KCNB2: variants seen among roughly 807,000 people sequenced by gnomAD.
The protein encoded by KCNB2 is delayed rectifier potassium channel protein.
Under a neutral mutation model 61.5 loss-of-function variants are expected in KCNB2, and 15 were observed. The observed-to-expected ratio is 0.24, with a 90% CI of 0.16 to 0.38. The LOEUF (loss-of-function observed/expected upper bound fraction) is 0.38. KCNB2 is among the 10% of genes least tolerant of loss of function. The pLI, the probability that KCNB2 is intolerant of heterozygous loss-of-function variation, is 1.00. For missense variants in KCNB2, 828 were observed against 1,125.2 expected, an observed-to-expected ratio of 0.74 and a Z score of 3.78; for synonymous variants, 457 against 446.0, an observed-to-expected ratio of 1.02 and a Z score of -0.31.
At chr8:72,761,171 T>C (rs1808372773) in intron 2 of KCNB2, among the ~76,000 whole-genome samples, 1 of 152,118 alleles carries the variant, frequency 6.6e-6, no homozygotes, top group East Asian at 1.9e-4. Context: ...ACTTACATAG[T>C]CCAGAACAGA....
intron 2 of KCNB2, among the ~76,000 whole-genome samples, chr8:72,714,618 T>A (rs1807392431): frequency 6.6e-6 from 1 of 152,074 alleles, no homozygotes; most frequent in Admixed American, 6.5e-5. Context: ...GCTGAGAGAT[T>A]TTGTCACCAC....
intron 2 of KCNB2, among the ~76,000 whole-genome samples, chr8:72,575,251 C>A (rs1806777088): frequency 6.8e-6 from 1 of 147,552 alleles, no homozygotes; most frequent in Non-Finnish European, 1.5e-5. Context: ...TCCCCCACCC[C>A]CGCCCCAGCA....
chr8:72,680,957 CT>C lies in KCNB2; in HGVS notation c.579+112645del, dbSNP rs374604221. Among the ~76,000 whole-genome samples, 867 of 152,292 alleles carry C rather than the reference CT, an allele frequency of 5.7e-3. 11 individuals carry two copies. In the Middle Eastern group the frequency reaches 0.082, roughly 14 times the overall value. On this transcript the variant is annotated intron_variant, in intron 2 of 2. Coordinates refer to ENST00000523207, the MANE Select transcript of KCNB2 (RefSeq NM_004770.3). ...AGATATATTAAGTGTCCGATATGTG[CT>C]CACAATTGTATGCCCTCTACCCTCC...
intron 2 of KCNB2, among the ~76,000 whole-genome samples, chr8:72,929,591 A>G (rs1806731837): frequency 6.6e-6 from 1 of 152,152 alleles, no homozygotes; most frequent in African/African-American, 2.4e-5. Flanking sequence ...TGACATCATC[A>G]ACTGTGACTT....
chr8:72,933,821 G>A (rs559223659), intron 2 of KCNB2, among the ~76,000 whole-genome samples: 2 of 152,314 alleles, frequency 1.3e-5, no homozygotes, highest in Admixed American at 6.5e-5. Context: ...CAGCCTCTTA[G>A]AGGAGTTAAA....
chr8:72,710,060 G>A (rs145359503), intron 2 of KCNB2, among the ~76,000 whole-genome samples: 2 of 152,198 alleles, frequency 1.3e-5, no homozygotes, highest in East Asian at 3.9e-4. Context: ...CCAGTCCGGG[G>A]AGCCTATTGA....
chr8:72,654,368 G>A (rs1806258193), intron 2 of KCNB2, among the ~76,000 whole-genome samples: 1 of 152,180 alleles, frequency 6.6e-6, no homozygotes, highest in Non-Finnish European at 1.5e-5. Context: ...AAGATGTAAA[G>A]ATGAAAGAGT....
intron 2 of KCNB2, among the ~76,000 whole-genome samples, chr8:72,696,721 T>A (rs566476397): frequency 4.4e-4 from 67 of 152,290 alleles, no homozygotes; most frequent in Admixed American, 8.5e-4. Flanking sequence ...AGGTTTTCTG[T>A]ATAAATCATT....
chr8:72,626,036 T>G (rs906712266), intron 2 of KCNB2, among the ~76,000 whole-genome samples: 7 of 152,240 alleles, frequency 4.6e-5, no homozygotes, highest in African/African-American at 1.7e-4. Context: ...CTTATTGATT[T>G]GATTTCTATA....
chr8:72,770,294 TC>T (rs1160750301), intron 2 of KCNB2, among the ~76,000 whole-genome samples: 1 of 152,208 alleles, frequency 6.6e-6, no homozygotes, highest in Non-Finnish European at 1.5e-5. Flanking sequence ...GCCATCTGTG[TC>T]CCCAAAGACT....
chr8:72,562,857 C>T (rs566369866), intron 1 of KCNB2, among the ~76,000 whole-genome samples: 18 of 152,042 alleles, frequency 1.2e-4, no homozygotes, highest in South Asian at 6.2e-4. Context: ...ACTTTAATTA[C>T]GGAAATTAAA....
chr8:72,663,649 G>T (rs1330167913), intron 2 of KCNB2, among the ~76,000 whole-genome samples: 2 of 152,082 alleles, frequency 1.3e-5, no homozygotes. Context: ...CTGCTGTCTG[G>T]AACAATGAAA....
intron 2 of KCNB2, among the ~76,000 whole-genome samples, chr8:72,606,345 C>G (rs1037483871): frequency 2.0e-5 from 3 of 152,174 alleles, no homozygotes; most frequent in African/African-American, 7.2e-5. Context: ...TATGTACATA[C>G]TCATAATCCA....
chr8:72,592,939 G>A (rs999870591), intron 2 of KCNB2, among the ~76,000 whole-genome samples: 3 of 152,152 alleles, frequency 2.0e-5, no homozygotes, highest in Non-Finnish European at 4.4e-5. Flanking sequence ...TTGGTCTGGT[G>A]TAAGCATTTA....
intron 1 of KCNB2, among the ~76,000 whole-genome samples, chr8:72,550,962 C>T (rs1806336477): frequency 6.6e-6 from 1 of 152,136 alleles, no homozygotes; most frequent in African/African-American, 2.4e-5. Flanking sequence ...AATGCTGCTG[C>T]TGGAGGGGAC....
intron 2 of KCNB2, among the ~76,000 whole-genome samples, chr8:72,725,822 A>G (rs1807641037): frequency 1.3e-5 from 2 of 151,688 alleles, no homozygotes; most frequent in South Asian, 4.2e-4. Context: ...TGATTTGCAC[A>G]CTAAATTAAT....
chr8:72,840,752 AT>A (rs1003770052), intron 2 of KCNB2, among the ~76,000 whole-genome samples: 22 of 148,858 alleles, frequency 1.5e-4, no homozygotes, highest in African/African-American at 4.2e-4. Flanking sequence ...TTTTGATGGC[AT>A]TTTTTTTTCT....
intron 2 of KCNB2, among the ~76,000 whole-genome samples, chr8:72,744,822 G>T (rs1447009640): frequency 1.3e-5 from 2 of 152,166 alleles, no homozygotes; most frequent in Non-Finnish European, 2.9e-5. Flanking sequence ...GGAGCCTAAG[G>T]CACAATGACA....
intron 2 of KCNB2, among the ~76,000 whole-genome samples, chr8:72,652,314 T>C (rs558624886): frequency 2.0e-5 from 3 of 152,230 alleles, no homozygotes; most frequent in African/African-American, 7.2e-5. Context: ...GATTGTGTCA[T>C]GCAAAGCCCA....
Sources: gnomAD v4.1 joint callset for allele counts (sites outside exome capture counted in the v4.1 genomes callset) on GRCh38, gnomAD v4.1.1 for gene constraint, MANE v1.5 for transcripts, NCBI Gene and HGNC (gene_info 2026-07-23, HGNC 2026-07-21) for gene names.